The following KANK1 variants were observed in gnomAD, a reference collection of about 807,000 sequenced individuals.
KANK1 encodes KN motif and ankyrin repeat domains 1.
A neutral mutation model predicts 106.2 loss-of-function variants in KANK1; 109 were observed. The observed-to-expected ratio is 1.03, with a 90% CI of 0.88 to 1.20. The LOEUF (loss-of-function observed/expected upper bound fraction) is 1.20, where lower values mean the gene tolerates loss of function less well. Ranked by LOEUF, KANK1 falls within the 50% of genes most tolerant of loss-of-function variation. The probability of loss-of-function intolerance (pLI) is 0.00; values close to 1 mark genes in which losing one functional copy is unlikely to be tolerated. For missense variants in KANK1, 2,399 were observed against 1,710.7 expected, an observed-to-expected ratio of 1.40 and a Z score of -7.10; for synonymous variants, 873 against 652.2, an observed-to-expected ratio of 1.34 and a Z score of -5.16.
At chr9:666,852 T>C (rs1563953758) in intron 1 of KANK1, among the ~76,000 whole-genome samples, 1 of 151,882 alleles carries the variant, frequency 6.6e-6, no homozygotes, top group Non-Finnish European at 1.5e-5. Context: ...ATATTTTTTG[T>C]TGAGGATTTT....
chr9:574,606 C>G lies in KANK1; in HGVS notation c.-84+69852C>G, dbSNP rs562143967. ...GCGTGGTGGCTTATGCCTGTAATCC[C>G]AGCACTTTGGGAGGCTGAGGCGGGT... On this transcript the variant is annotated intron_variant, in intron 1 of 11. Transcript: ENST00000382297. Among the ~76,000 whole-genome samples the G allele has an allele frequency of 8.6e-4, 131 of 152,150 alleles. No individual in the cohort carries two copies. The Middle Eastern group carries it at 0.01, about 12-fold the overall frequency.
At chr9:613,995 G>T (rs552989714) in intron 1 of KANK1, among the ~76,000 whole-genome samples, 3 of 152,254 alleles carry the variant, frequency 2.0e-5, no homozygotes, top group East Asian at 1.9e-4. Context: ...CCGGGAAGAA[G>T]GCGCTGTGCA....
At chr9:722,268 A>AT (rs1829528299) in intron 3 of KANK1, among the ~76,000 whole-genome samples, 1 of 151,996 alleles carries the variant, frequency 6.6e-6, no homozygotes, top group Admixed American at 6.6e-5. Context: ...TATTTATTTT[A>AT]TTTTTTTGAG....
At chr9:658,481 G>T (rs931717499) in intron 1 of KANK1, among the ~76,000 whole-genome samples, 2 of 151,906 alleles carry the variant, frequency 1.3e-5, no homozygotes, top group Non-Finnish European at 2.9e-5. Context: ...GAAAAAAAAA[G>T]ATTGTAATTT....
At chr9:679,148 T>G (rs1447799126) in intron 2 of KANK1, among the ~76,000 whole-genome samples, 1 of 152,174 alleles carries the variant, frequency 6.6e-6, no homozygotes, top group African/African-American at 2.4e-5. Flanking sequence ...ATTTGTGACT[T>G]TCAGGGTGTC....
At chr9:730,981 AC>A (rs1832081847) in intron 4 of KANK1, 176 bp from the exon 5 acceptor site, 2 of 410,704 alleles carry the variant, frequency 4.9e-6, no homozygotes, top group East Asian at 8.8e-5. Context: ...TATTAATGGA[AC>A]TTTGAATTAT....
At chr9:673,690 T>A (rs72691385) in intron 1 of KANK1, 5,548 of 152,262 alleles carry the variant, frequency 0.036, 161 homozygotes, top group Non-Finnish European at 0.057. Flanking sequence ...GGCCAAAGTT[T>A]ATTAAGCTTG....
At chr9:687,052 C>A in intron 2 of KANK1, 1 of 429,764 alleles carries the variant, frequency 2.3e-6, no homozygotes, top group Non-Finnish European at 3.1e-6. Context: ...TTTAATACTG[C>A]TGCATTTCAA....
At chr9:729,045 T>G (rs1057325325) in intron 3 of KANK1, among the ~76,000 whole-genome samples, 1 of 152,262 alleles carries the variant, frequency 6.6e-6, no homozygotes, top group Non-Finnish European at 1.5e-5. Context: ...TGGTCATTCA[T>G]ACTTGGCTCA....
chr9:486,944 C>T (rs992705811), intron 3 of KANK1, among the ~76,000 whole-genome samples: 4 of 152,120 alleles, frequency 2.6e-5, no homozygotes, highest in Non-Finnish European at 5.9e-5. Context: ...GATGACTGCT[C>T]TGCTTTATTG....
rs377491167 is a variant in KANK1 at position 626,743 on chromosome 9, C to G, written c.-83-50147C>G. ...AGGACAGAATATATTTGTGCTTAAACAAGCACACAGTACTCTCACATCCAC... is the reference window on the plus strand; with the variant it reads ...AGGACAGAATATATTTGTGCTTAAAGAAGCACACAGTACTCTCACATCCAC... On this transcript the variant is annotated intron_variant, in intron 1 of 11. Coordinates refer to ENST00000382297, the MANE Select transcript of KANK1 (RefSeq NM_015158.5). 2.6e-5 allele frequency among the ~76,000 whole-genome samples: 4 copies of G among 151,930 alleles called. No homozygotes were observed. The East Asian group carries it at 7.7e-4, about 29-fold the overall frequency.
intron 3 of KANK1, among the ~76,000 whole-genome samples, chr9:486,348 C>T (rs2058292731): frequency 6.6e-6 from 1 of 152,192 alleles, no homozygotes; most frequent in African/African-American, 2.4e-5. Flanking sequence ...AAGTAATCAT[C>T]ATCGTCGTCA....
chr9:636,006 T>G (rs549265912), intron 1 of KANK1, among the ~76,000 whole-genome samples: 3 of 152,324 alleles, frequency 2.0e-5, no homozygotes, highest in Admixed American at 6.5e-5. Context: ...CAAACTCAGT[T>G]TCTGCGTGGT....
chr9:471,341 C>G (rs1052659412), intron 2 of KANK1: 1 of 152,498 alleles, frequency 6.6e-6, no homozygotes, highest in African/African-American at 2.4e-5. Flanking sequence ...GGACACTAGA[C>G]TGAGGGCACA....
chr9:633,577 C>T (rs1443752340), intron 1 of KANK1, among the ~76,000 whole-genome samples: 1 of 152,208 alleles, frequency 6.6e-6, no homozygotes, highest in Non-Finnish European at 1.5e-5. Context: ...GCATTGTATC[C>T]AGATTCCTGA....
intron 2 of KANK1, chr9:707,117 A>C: frequency 1.0e-6 from 1 of 985,496 alleles, no homozygotes; most frequent in African/African-American, 1.7e-5. Flanking sequence ...GTGGCCGGCC[A>C]AGTTTACACG....
chr9:671,866 T>C (rs1292643111), intron 1 of KANK1, among the ~76,000 whole-genome samples: 1 of 151,876 alleles, frequency 6.6e-6, no homozygotes, highest in Non-Finnish European at 1.5e-5. Flanking sequence ...GAGAATCACC[T>C]GAACCTGGGA....
intron 2 of KANK1, among the ~76,000 whole-genome samples, chr9:705,261 A>G (rs908267382): frequency 1.3e-5 from 2 of 152,040 alleles, no homozygotes; most frequent in African/African-American, 4.8e-5. Flanking sequence ...CGAGGCAGGC[A>G]GATTACCTGA....
At chr9:707,183 G>T in intron 2 of KANK1, 2 of 985,848 alleles carry the variant, frequency 2.0e-6, no homozygotes, top group Non-Finnish European at 2.4e-6. Flanking sequence ...GGCCGGGTCC[G>T]GCTGAGCTGG....
Sources: allele counts gnomAD v4.1 joint callset (sites outside exome capture counted in the v4.1 genomes callset), GRCh38; gene constraint gnomAD v4.1.1; transcripts MANE v1.5; gene names NCBI Gene and HGNC (gene_info 2026-07-23, HGNC 2026-07-21).